The following CYP7B1 variants were observed in gnomAD, a reference collection of about 807,000 sequenced individuals.
The protein encoded by CYP7B1 is cytochrome P450 family 7 subfamily B member 1.
A neutral mutation model predicts 42.7 loss-of-function variants in CYP7B1; 29 were observed. The ratio of observed to expected loss-of-function variants is 0.68; its 90% CI spans 0.51 to 0.93. The LOEUF is 0.93. Ranked by LOEUF, CYP7B1 falls within the 40% of genes least tolerant of loss-of-function variation. CYP7B1 has a pLI of 0.00. For synonymous variants in CYP7B1, 235 were observed against 218.2 expected (o/e 1.08, Z -0.68); for missense variants, 655 against 600.5 (o/e 1.09, Z -0.95).
At chr8:64,671,788 C>T (rs1368372522) in intron 1 of CYP7B1, among the ~76,000 whole-genome samples, 1 of 152,030 alleles carries the variant, frequency 6.6e-6, no homozygotes, top group Admixed American at 6.6e-5. Context: ...TTCTGTTTCT[C>T]CAGAAAACCC....
chr8:64,615,950 A>G lies in CYP7B1; in HGVS notation c.591T>C (p.Tyr197=), dbSNP rs760300041. Residue 197 remains tyrosine, a synonymous_variant, in exon 3 of 6, where the codon TAT becomes TAC. Transcript: ENST00000310193. ...IIFEITFTTI[Y]GKVIVCDNNK... ...TGTTGTCACAAACAATAACTTTTCCATATATAGTTGTAAATGTGATCTCAA... is the reference window on the plus strand; with the variant it reads ...TGTTGTCACAAACAATAACTTTTCCGTATATAGTTGTAAATGTGATCTCAA... 6.2e-7 allele frequency: 1 copy of G among 1,613,662 alleles called. No homozygotes were observed. Among genetic ancestry groups the G allele is most frequent in the South Asian group, 1.1e-5 (1 of 91,068 alleles).
intron 1 of CYP7B1, among the ~76,000 whole-genome samples, chr8:64,656,257 T>G (rs565961209): frequency 4.0e-4 from 61 of 152,148 alleles, no homozygotes; most frequent in Non-Finnish European, 7.9e-4. Flanking sequence ...AATAAAAACA[T>G]TGCTACTGAG....
At chr8:64,671,383 C>A (rs1209499174) in intron 1 of CYP7B1, among the ~76,000 whole-genome samples, 1 of 151,456 alleles carries the variant, frequency 6.6e-6, no homozygotes, top group East Asian at 1.9e-4. Flanking sequence ...TTTTAAAAAA[C>A]CCAGCTTTTT....
At chr8:64,683,082 A>C (rs1020691783) in intron 1 of CYP7B1, among the ~76,000 whole-genome samples, 1 of 152,188 alleles carries the variant, frequency 6.6e-6, no homozygotes, top group African/African-American at 2.4e-5. Context: ...CTCTCCATCC[A>C]GATCACCATT....
At chr8:64,754,153 G>A (rs987691490) in intron 1 of CYP7B1, among the ~76,000 whole-genome samples, 2 of 152,238 alleles carry the variant, frequency 1.3e-5, no homozygotes, top group African/African-American at 4.8e-5. Context: ...GAGGGTGTGA[G>A]GAGGCTTCTG....
At chr8:64,611,607 T>C (rs990860587) in intron 4 of CYP7B1, among the ~76,000 whole-genome samples, 2 of 152,170 alleles carry the variant, frequency 1.3e-5, no homozygotes, top group African/African-American at 2.4e-5. Context: ...TAATATTCTC[T>C]TTTTAAAAAA....
At chr8:64,590,489 G>A (rs772623585), downstream of CYP7B1, among the ~76,000 whole-genome samples, 1 of 152,182 alleles carries the variant, frequency 6.6e-6, no homozygotes, top group Non-Finnish European at 1.5e-5. Context: ...TACACCTGCT[G>A]AAAACTCTCT....
intron 5 of CYP7B1, among the ~76,000 whole-genome samples, chr8:64,598,921 TAA>T (rs1311056835): frequency 1.3e-5 from 2 of 152,246 alleles, no homozygotes; most frequent in African/African-American, 4.8e-5. Flanking sequence ...TGCAGGAGCA[TAA>T]ATATATTTTT....
intron 1 of CYP7B1, among the ~76,000 whole-genome samples, chr8:64,727,253 C>A (rs1297201647): frequency 6.6e-6 from 1 of 152,114 alleles, no homozygotes; most frequent in East Asian, 1.9e-4. Flanking sequence ...CATTTGAGAG[C>A]CTAAATTTTT....
At position 64,595,779 on chromosome 8, in the gene CYP7B1, T is replaced by C. The variant is rs1805108625; in HGVS notation, c.*863A>G. 6.6e-6 allele frequency among the ~76,000 whole-genome samples: 1 copy of C among 152,248 alleles called. No individual in the cohort carries two copies. The highest frequency in any genetic ancestry group is 1.5e-5 in the Non-Finnish European group (1 of 68,034). The stretch of plus-strand genomic sequence containing the variant: ...ACTATATCTAGCTTCTCAGTTTATA[T>C]ATATGAAAGCATTTAGGAAAGGGTT... On this transcript the variant is annotated 3_prime_UTR_variant, in exon 6 of 6. Coordinates refer to ENST00000310193, the MANE Select transcript of CYP7B1 (RefSeq NM_004820.5).
chr8:64,682,169 A>G (rs1476388943), intron 1 of CYP7B1, among the ~76,000 whole-genome samples: 1 of 152,228 alleles, frequency 6.6e-6, no homozygotes, highest in South Asian at 2.1e-4. Context: ...ATGCACAGCT[A>G]TGCAAACTGA....
intron 1 of CYP7B1, among the ~76,000 whole-genome samples, chr8:64,721,992 A>C (rs2129632884): frequency 6.6e-6 from 1 of 152,332 alleles, no homozygotes; most frequent in East Asian, 1.9e-4. Flanking sequence ...CGAATTAACT[A>C]TAAACAATTT....
At chr8:64,723,323 T>C (rs897491552) in intron 1 of CYP7B1, among the ~76,000 whole-genome samples, 1 of 152,200 alleles carries the variant, frequency 6.6e-6, no homozygotes, top group African/African-American at 2.4e-5. Context: ...ACTCCTATCA[T>C]TCTATAATGA....
At chr8:64,662,581 G>A (rs1249305469) in intron 1 of CYP7B1, among the ~76,000 whole-genome samples, 2 of 152,112 alleles carry the variant, frequency 1.3e-5, no homozygotes, top group Non-Finnish European at 2.9e-5. Flanking sequence ...TGCAAACCAT[G>A]TCATTTTGCT....
chr8:64,665,667 C>G (rs1806267380), intron 1 of CYP7B1, among the ~76,000 whole-genome samples: 1 of 134,630 alleles, frequency 7.4e-6, no homozygotes, highest in Non-Finnish European at 1.5e-5. Flanking sequence ...ACCTCTGCCT[C>G]CCGGGTTCAA....
chr8:64,593,909 A>C lies in CYP7B1; in HGVS notation c.*2733T>G, dbSNP rs928230487. Among the ~76,000 whole-genome samples, 4 of 152,232 alleles carry C rather than the reference A, an allele frequency of 2.6e-5. No individual in the cohort carries two copies. The highest frequency in any genetic ancestry group is 9.6e-5 in the African/African-American group (4 of 41,454). The stretch of plus-strand genomic sequence containing the variant: ...AGAACAAAAGGGAATCGTAAAACTG[A>C]AAAATGTAATGATTGAACTTAGCAA... On this transcript the variant is annotated 3_prime_UTR_variant, in exon 6 of 6. Transcript: ENST00000310193.
At chr8:64,694,262 T>A (rs1465625695) in intron 1 of CYP7B1, among the ~76,000 whole-genome samples, 1 of 152,354 alleles carries the variant, frequency 6.6e-6, no homozygotes, top group Middle Eastern at 3.4e-3. Context: ...CAATAAACTT[T>A]TAATTACATG....
In CYP7B1 at chr8:64,692,375, C is replaced by A. The variant is rs368992084; in HGVS notation, c.123-67836G>T. ...GTTAATCTGTATTCACTGACAAATT[C>A]AGACTCCAAGCTGTTGAAGCAGACC... On this transcript the variant is annotated intron_variant, in intron 1 of 5. Coordinates refer to ENST00000310193, the MANE Select transcript of CYP7B1 (RefSeq NM_004820.5). Among the ~76,000 whole-genome samples the A allele has an allele frequency of 3.3e-5, 5 of 152,306 alleles. 1 individual carries two copies. In the South Asian group the frequency reaches 1.0e-3, roughly 32 times the overall value.
chr8:64,716,700 C>T (rs1369633260), intron 1 of CYP7B1, among the ~76,000 whole-genome samples: 1 of 152,112 alleles, frequency 6.6e-6, no homozygotes, highest in South Asian at 2.1e-4. Flanking sequence ...GAGAGAGACT[C>T]CATTTCAAAA....
Sources: gnomAD v4.1 joint callset for allele counts (sites outside exome capture counted in the v4.1 genomes callset) on GRCh38, gnomAD v4.1.1 for gene constraint, MANE v1.5 for transcripts, NCBI Gene and HGNC (gene_info 2026-07-23, HGNC 2026-07-21) for gene names.